Variants in MEIG1 observed in about 807,000 individuals in gnomAD.
MEIG1 encodes the protein meiosis expressed gene 1 protein homolog.
In MEIG1, 12 loss-of-function variants were observed where a neutral mutation model predicts 11.3. That is an observed-to-expected ratio of 1.07 (90% confidence interval 0.68 to 1.73). The LOEUF (loss-of-function observed/expected upper bound fraction) is 1.73, where lower values mean the gene tolerates loss of function less well. Among genes scored for constraint, MEIG1 ranks in the 40% most tolerant of loss-of-function variants. The probability of loss-of-function intolerance (pLI) is 0.00; values close to 1 mark genes in which losing one functional copy is unlikely to be tolerated. For synonymous variants in MEIG1, 41 were observed against 33.2 expected (o/e 1.24, Z -0.81); for missense variants, 119 against 104.9 (o/e 1.13, Z -0.59).
rs35249492 is a variant in MEIG1 at position 14,964,636 on chromosome 10, C to CTTTTTTTTTT, written c.-29-1791_-29-1782dup. 4.1e-5 allele frequency among the ~76,000 whole-genome samples: 2 copies of CTTTTTTTTTT among 49,220 alleles called. 1 individual carries two copies. The highest frequency in any genetic ancestry group is 6.9e-5 in the Non-Finnish European group (2 of 28,922). The allele number at this position is 49,220 out of a possible 152,430, so 32.3% of individuals were successfully genotyped here. A position where few individuals can be genotyped will look rare whatever the true frequency, so the allele number is the denominator to read the frequency against. On this transcript the variant is annotated intron_variant, in intron 1 of 2. Coordinates refer to ENST00000407572, the MANE Select transcript of MEIG1 (RefSeq NM_001080836.3). ...ACACACACACACATATATATGTATACTTTTTTTTTTTTTTTTTTTTTTGGA... is the reference window on the plus strand; with the variant it reads ...ACACACACACACATATATATGTATACTTTTTTTTTTTTTTTTTTTTTTTTTTTTTTTTGGA...
At chr10:14,975,817 G>T (rs748092931), downstream of MEIG1, among the ~76,000 whole-genome samples, 22 of 152,166 alleles carry the variant, frequency 1.4e-4, no homozygotes, top group South Asian at 4.2e-4. Context: ...AGTGATATTG[G>T]TCCTAATTTC....
downstream of MEIG1, among the ~76,000 whole-genome samples, chr10:14,974,369 A>G (rs1843188431): frequency 6.6e-6 from 1 of 152,160 alleles, no homozygotes; most frequent in African/African-American, 2.4e-5. Flanking sequence ...AGTTTGGAGC[A>G]AATCAATTAG....
downstream of MEIG1, among the ~76,000 whole-genome samples, chr10:14,974,092 C>T (rs1449481209): frequency 1.3e-5 from 2 of 152,162 alleles, no homozygotes; most frequent in Non-Finnish European, 2.9e-5. Context: ...TTGTGGCCTT[C>T]TGAGCTCCCC....
At chr10:14,964,636 CTTTT>C (rs35249492) in intron 1 of MEIG1, among the ~76,000 whole-genome samples, 3 of 49,222 alleles carry the variant, frequency 6.1e-5, no homozygotes, top group Admixed American at 3.4e-4. Flanking sequence ...TATATGTATA[CTTTT>C]TTTTTTTTTT....
intron 2 of MEIG1, among the ~76,000 whole-genome samples, chr10:14,969,015 T>C (rs1318829698): frequency 6.6e-6 from 1 of 151,460 alleles, no homozygotes; most frequent in Non-Finnish European, 1.5e-5. Context: ...GAGGTGGAGG[T>C]TGTAGTGAGC....
Position 14,961,638 on chromosome 10 carries a change from A to ATTTTTTTTTTTTTTTTTTTTTT in MEIG1, c.-30+2102_-30+2103insTTTTTTTTTTTTTTTTTTTTTT, listed in dbSNP as rs34536061. On this transcript the variant is annotated intron_variant, in intron 1 of 2. Transcript: ENST00000407572. ...AGGCAGCCGCCACCGCATCCGGCTA[A>ATTTTTTTTTTTTTTTTTTTTTT]TTTTTTTTTTTTTTTTTTTTTAGTA... Among the ~76,000 whole-genome samples the ATTTTTTTTTTTTTTTTTTTTTT allele has an allele frequency of 6.5e-5, 5 of 76,616 alleles. 1 individual carries two copies. The highest frequency in any genetic ancestry group is 6.9e-4 in the East Asian group (2 of 2,904). The allele number at this position is 76,616 out of a possible 152,430, so 50.3% of individuals were successfully genotyped here. A position where few individuals can be genotyped will look rare whatever the true frequency, so the allele number is the denominator to read the frequency against.
At chr10:14,957,094 C>T (rs74228082), upstream of MEIG1, among the ~76,000 whole-genome samples, 14,083 of 152,184 alleles carry the variant, frequency 0.093, 1,342 homozygotes, top group East Asian at 0.28. Context: ...TCCCTGTGGA[C>T]GTGGGAGTGT....
chr10:14,961,638 A>AT (rs34536061), intron 1 of MEIG1, among the ~76,000 whole-genome samples: 5,353 of 76,586 alleles, frequency 0.07, 531 homozygotes, highest in Middle Eastern at 0.11. Flanking sequence ...CATCCGGCTA[A>AT]TTTTTTTTTT....
At chr10:14,982,327 C>G (rs1400065049) in intron 1 of MEIG1, among the ~76,000 whole-genome samples, 3 of 152,056 alleles carry the variant, frequency 2.0e-5, no homozygotes, top group Non-Finnish European at 4.4e-5. Flanking sequence ...TTCGTGGTAC[C>G]TGGGTCCTTC....
chr10:14,974,677 G>A (rs1424992857), downstream of MEIG1, among the ~76,000 whole-genome samples: 3 of 151,828 alleles, frequency 2.0e-5, no homozygotes, highest in African/African-American at 4.8e-5. Flanking sequence ...AATCAATAGC[G>A]ATAATAATGA....
At chr10:14,979,807 A>G (rs1843246710) in intron 1 of MEIG1, among the ~76,000 whole-genome samples, 1 of 152,062 alleles carries the variant, frequency 6.6e-6, no homozygotes, top group Admixed American at 6.5e-5. Flanking sequence ...ACCCTGTGAT[A>G]TTATTCACAA....
At chr10:14,962,546 G>A (rs1274706604) in intron 1 of MEIG1, among the ~76,000 whole-genome samples, 6 of 152,138 alleles carry the variant, frequency 3.9e-5, no homozygotes, top group African/African-American at 7.2e-5. Context: ...TTTATGTATA[G>A]TTGCCATAAT....
chr10:14,975,734 G>A (rs955916011), downstream of MEIG1, among the ~76,000 whole-genome samples: 25 of 151,990 alleles, frequency 1.6e-4, no homozygotes, highest in African/African-American at 5.6e-4. Context: ...CCACCCCAGG[G>A]ATATTGTTCC....
At chr10:14,975,842 C>T (rs148862880), downstream of MEIG1, among the ~76,000 whole-genome samples, 412 of 152,168 alleles carry the variant, frequency 2.7e-3, 1 homozygote, top group Middle Eastern at 0.02. Context: ...TGGGAGAGGA[C>T]GATACTACAC....
chr10:14,977,160 G>T (rs924872170), downstream of MEIG1, among the ~76,000 whole-genome samples: 1 of 151,908 alleles, frequency 6.6e-6, no homozygotes, highest in Admixed American at 6.6e-5. Context: ...GCCTGTGATA[G>T]TATTCATAAT....
chr10:14,965,457 T>G (rs1367541382), intron 1 of MEIG1, among the ~76,000 whole-genome samples: 1 of 152,152 alleles, frequency 6.6e-6, no homozygotes, highest in Non-Finnish European at 1.5e-5. Context: ...AAATCCATGG[T>G]CTCAGTACCA....
At chr10:14,957,058 A>C (rs1433998108), upstream of MEIG1, among the ~76,000 whole-genome samples, 3 of 152,212 alleles carry the variant, frequency 2.0e-5, no homozygotes, top group Non-Finnish European at 4.4e-5. Context: ...GTCTCAAAAA[A>C]ATAAAACTAA....
chr10:14,959,752 C>T (rs538114311), intron 1 of MEIG1, among the ~76,000 whole-genome samples, 195 bp downstream of exon 1: 1 of 152,374 alleles, frequency 6.6e-6, no homozygotes, highest in South Asian at 2.1e-4. Flanking sequence ...CTATTTGGCC[C>T]TTCCAGAATC....
downstream of MEIG1, among the ~76,000 whole-genome samples, chr10:14,974,811 ATAAT>A (rs1388138684): frequency 6.6e-6 from 1 of 152,080 alleles, no homozygotes; most frequent in Non-Finnish European, 1.5e-5. Flanking sequence ...TTAGCTCTTA[ATAAT>A]TAATATTAAT....
Sources: allele counts gnomAD v4.1 joint callset (sites outside exome capture counted in the v4.1 genomes callset), GRCh38; gene constraint gnomAD v4.1.1; transcripts MANE v1.5; gene names NCBI Gene and HGNC (gene_info 2026-07-23, HGNC 2026-07-21).